The following MAML3 variants were observed in gnomAD, a reference collection of about 807,000 sequenced individuals.
MAML3 encodes mastermind-like protein 3.
A neutral mutation model predicts 101.9 loss-of-function variants in MAML3; 27 were observed. The observed-to-expected ratio is 0.27, with a 90% CI of 0.20 to 0.37. The LOEUF is 0.37. MAML3 is among the 10% of genes least tolerant of loss of function. MAML3 has a pLI of 1.00. For missense variants in MAML3, 1,316 were observed against 1,444.9 expected (o/e 0.91, Z 1.45); for synonymous variants, 501 against 555.9 (o/e 0.90, Z 1.39).
At chr4:139,748,896 A>G (rs1729412003) in intron 2 of MAML3, among the ~76,000 whole-genome samples, 1 of 152,068 alleles carries the variant, frequency 6.6e-6, no homozygotes, top group South Asian at 2.1e-4. Context: ...CTCCGAAGAG[A>G]GCCTCTCTTA....
chr4:139,820,690 T>A (rs554468397), intron 2 of MAML3, among the ~76,000 whole-genome samples: 14 of 152,346 alleles, frequency 9.2e-5, no homozygotes, highest in African/African-American at 2.9e-4. Flanking sequence ...CATTTCCCTA[T>A]GTTATCAAAA....
In MAML3 at chr4:139,730,283, G is replaced by T. The variant is rs1728646976; in HGVS notation, c.2331+133C>A. 1.0e-5 allele frequency: 8 copies of T among 785,884 alleles called. No homozygotes were observed. In the South Asian group the frequency reaches 1.2e-4, roughly 12 times the overall value. The allele number at this position is 785,884 out of a possible 1,614,324, so 48.7% of individuals were successfully genotyped here. On this transcript the variant is annotated intron_variant, in intron 3 of 4. Coordinates refer to ENST00000509479, the MANE Select transcript of MAML3 (RefSeq NM_018717.5). The stretch of plus-strand genomic sequence containing the variant: ...AGGTCTAAATTCTTCAGGTTCTCTT[G>T]TGATCCTGGGAAATGCTAGACCGTG...
intron 2 of MAML3, among the ~76,000 whole-genome samples, chr4:139,757,926 C>T (rs1729685762): frequency 6.6e-6 from 1 of 152,158 alleles, no homozygotes; most frequent in South Asian, 2.1e-4. Flanking sequence ...CGTGGCTGGT[C>T]ACTTCCTCTC....
intron 1 of MAML3, among the ~76,000 whole-genome samples, chr4:140,109,091 T>C (rs532694642): frequency 7.3e-4 from 111 of 152,320 alleles, no homozygotes; most frequent in African/African-American, 2.5e-3. Flanking sequence ...GTTACACTTA[T>C]TGTCTCAACA....
chr4:140,077,059 T>A (rs1292212289), intron 1 of MAML3, among the ~76,000 whole-genome samples: 1 of 151,798 alleles, frequency 6.6e-6, no homozygotes, highest in Non-Finnish European at 1.5e-5. Flanking sequence ...CCTGGCTAAT[T>A]TTTGTATTTT....
chr4:139,739,377 ACATAGTTAC>A (rs1224133523), intron 2 of MAML3, among the ~76,000 whole-genome samples: 6 of 152,228 alleles, frequency 3.9e-5, no homozygotes, highest in Non-Finnish European at 2.9e-5. Flanking sequence ...AGTGCTTTGA[ACATAGTTAC>A]CATAAGTCCC....
intron 3 of MAML3, among the ~76,000 whole-genome samples, chr4:139,728,382 G>A (rs948346584): frequency 2.6e-5 from 4 of 152,202 alleles, no homozygotes; most frequent in African/African-American, 9.7e-5. Context: ...CCAGGGCCAC[G>A]TGACAGGCCC....
intron 1 of MAML3, among the ~76,000 whole-genome samples, chr4:139,931,153 C>T (rs1316118718): frequency 6.6e-6 from 1 of 152,008 alleles, no homozygotes; most frequent in African/African-American, 2.4e-5. Flanking sequence ...ATGCAGGGCC[C>T]CTTGATCAAA....
intron 1 of MAML3, among the ~76,000 whole-genome samples, chr4:140,076,958 C>T (rs992106916): frequency 4.6e-5 from 7 of 152,094 alleles, no homozygotes; most frequent in Non-Finnish European, 7.4e-5. Context: ...GGCGCAATCT[C>T]GGCTCACTGC....
chr4:140,000,661 G>C (rs1048748808), intron 1 of MAML3, among the ~76,000 whole-genome samples: 1 of 152,164 alleles, frequency 6.6e-6, no homozygotes, highest in Admixed American at 6.5e-5. Flanking sequence ...TGGCGGTGGG[G>C]AACGGGACAA....
intron 2 of MAML3, among the ~76,000 whole-genome samples, chr4:139,777,573 C>T (rs889807387): frequency 3.9e-5 from 6 of 152,206 alleles, no homozygotes; most frequent in Admixed American, 3.3e-4. Flanking sequence ...GTCGCCCAGG[C>T]TGGAGTGCAG....
intron 2 of MAML3, among the ~76,000 whole-genome samples, chr4:139,739,857 T>C (rs1297048720): frequency 1.3e-5 from 2 of 152,050 alleles, no homozygotes; most frequent in Non-Finnish European, 2.9e-5. Flanking sequence ...TTTAGTATTA[T>C]TTTTAAAAGC....
intron 1 of MAML3, among the ~76,000 whole-genome samples, chr4:140,034,217 CT>C (rs930205545): frequency 1.3e-5 from 2 of 152,110 alleles, no homozygotes; most frequent in African/African-American, 4.8e-5. Context: ...ACAAAGTAGC[CT>C]ATGAAGAGAC....
At chr4:139,726,314 C>A (rs2110974644) in intron 3 of MAML3, among the ~76,000 whole-genome samples, 1 of 152,300 alleles carries the variant, frequency 6.6e-6, no homozygotes, top group South Asian at 2.1e-4. Flanking sequence ...TATGAATATA[C>A]CATAATTTAT....
At chr4:139,959,240 C>T (rs1225524013) in intron 1 of MAML3, among the ~76,000 whole-genome samples, 2 of 152,182 alleles carry the variant, frequency 1.3e-5, no homozygotes, top group Non-Finnish European at 2.9e-5. Context: ...AGAGCTCTCA[C>T]AGTTCTTGAC....
intron 1 of MAML3, among the ~76,000 whole-genome samples, chr4:140,112,133 TA>T (rs1728448446): frequency 1.3e-5 from 2 of 152,102 alleles, no homozygotes; most frequent in African/African-American, 4.8e-5. Flanking sequence ...CATCAATTTC[TA>T]TATCAGTATG....
chr4:139,845,761 C>A (rs1039919646), intron 2 of MAML3, among the ~76,000 whole-genome samples: 1 of 152,190 alleles, frequency 6.6e-6, no homozygotes, highest in African/African-American at 2.4e-5. Context: ...ATTGGTACCA[C>A]AATCCCCTTA....
At chr4:140,046,219 T>G (rs1310371237) in intron 1 of MAML3, among the ~76,000 whole-genome samples, 1 of 152,174 alleles carries the variant, frequency 6.6e-6, no homozygotes, top group Non-Finnish European at 1.5e-5. Flanking sequence ...GGCAGGGACA[T>G]TAAATTGCTG....
At chr4:140,042,543 A>C (rs1292066902) in intron 1 of MAML3, among the ~76,000 whole-genome samples, 1 of 152,174 alleles carries the variant, frequency 6.6e-6, no homozygotes, top group African/African-American at 2.4e-5. Flanking sequence ...CTGAGGCAGA[A>C]AAATCGCTTG....
Sources: gnomAD v4.1 joint callset for allele counts (sites outside exome capture counted in the v4.1 genomes callset) on GRCh38, gnomAD v4.1.1 for gene constraint, MANE v1.5 for transcripts, NCBI Gene and HGNC (gene_info 2026-07-23, HGNC 2026-07-21) for gene names.